Variants in SULT1A1 observed in about 807,000 individuals in gnomAD.
The protein encoded by SULT1A1 is sulfotransferase 1A1.
In SULT1A1, 35 loss-of-function variants were observed where a neutral mutation model predicts 36.8. The observed-to-expected ratio is 0.95, with a 90% CI of 0.73 to 1.26. The LOEUF is 1.26. SULT1A1 is among the 50% of genes most tolerant of loss of function. The pLI is 0.00. For synonymous variants in SULT1A1, 119 were observed against 146.0 expected (o/e 0.82, Z 1.33); for missense variants, 309 against 383.0 (o/e 0.81, Z 1.61).
At chr16:28,607,696 T>C (rs1479131837) in intron 4 of SULT1A1, 1 of 151,204 alleles carries the variant, frequency 6.6e-6, no homozygotes, top group East Asian at 1.9e-4. Flanking sequence ...TCTTTCTTTT[T>C]TTCTGTCGCC....
chr16:28,620,011 G>GTGTA (rs866304604), intron 2 of SULT1A1: 4 of 1,394,714 alleles, frequency 2.9e-6, no homozygotes, highest in East Asian at 2.3e-5. Context: ...GTGTGTGTGT[G>GTGTA]TATATACACA....
chr16:28,615,235 T>C (rs1272385838), intron 2 of SULT1A1, among the ~76,000 whole-genome samples: 5 of 112,980 alleles, frequency 4.4e-5, no homozygotes, highest in African/African-American at 1.5e-4. Flanking sequence ...CGGGGCCGGC[T>C]GTGCAGGGAG....
chr16:28,619,301 C>T lies in SULT1A1; in HGVS notation c.138+762G>A, dbSNP rs551215979. Among the ~76,000 whole-genome samples, 62 of 152,290 alleles carry T rather than the reference C, an allele frequency of 4.1e-4. No homozygotes were observed. In the South Asian group the frequency reaches 0.011, roughly 27 times the overall value. ...TGTTGGGATTAGAGGCGTGAGCCAC[C>T]GTGCCCGGCCCAGAGAAAGTATTTC... On this transcript the variant is annotated intron_variant, in intron 2 of 5. Coordinates refer to the SULT1A1 transcript ENST00000350842.
chr16:28,621,579 T>C (rs1325440299), intron 1 of SULT1A1, among the ~76,000 whole-genome samples: 2 of 151,844 alleles, frequency 1.3e-5, no homozygotes, highest in African/African-American at 2.4e-5. Context: ...AATAGCATTC[T>C]GGTCCCCTAC....
intron 2 of SULT1A1, among the ~76,000 whole-genome samples, chr16:28,616,759 A>AC (rs1257675447): frequency 6.6e-6 from 1 of 151,894 alleles, no homozygotes; most frequent in African/African-American, 2.4e-5. Flanking sequence ...GGCTACAATA[A>AC]CCCCCCACTC....
chr16:28,623,193 A>G (rs777894404), exon 1 of SULT1A1: 4 of 1,508,944 alleles, frequency 2.7e-6, no homozygotes, highest in Admixed American at 4.0e-5. Context: ...CAACTTGGCC[A>G]GCATGGCGCG....
upstream of SULT1A1, chr16:28,610,262 CTGTT>C: frequency 1.7e-5 from 4 of 239,678 alleles, no homozygotes; most frequent in African/African-American, 1.3e-4. Flanking sequence ...TTTTTTTTTT[CTGTT>C]TTTTTTTTTT....
intron 1 of SULT1A1, among the ~76,000 whole-genome samples, chr16:28,620,563 C>CAAAAAAAAAAAA (rs5816469): frequency 1.1e-5 from 1 of 90,840 alleles, no homozygotes; most frequent in Non-Finnish European, 2.2e-5. Flanking sequence ...GACCCTGTCT[C>CAAAAAAAAAAAA]AAAAAAAAAA....
chr16:28,623,063 C>T, intron 1 of SULT1A1: 1 of 1,524,470 alleles, frequency 6.6e-7, no homozygotes, highest in Non-Finnish European at 8.9e-7. Context: ...GCCGCTTGAT[C>T]CCCAAGTCCC....
At position 28,605,717 on chromosome 16, in the gene SULT1A1, A is replaced by G; in HGVS notation, c.*104T>C. On this transcript the variant is annotated 3_prime_UTR_variant, in exon 8 of 8. Transcript: ENST00000314752. ...TCAGCCTCCAAATTGCTGGGATTAC[A>G]GACATGACCTACCGTCCCGGGCCCT... The G allele has an allele frequency of 6.4e-7, 1 of 1,559,148 alleles. No homozygotes were observed. Among genetic ancestry groups the G allele is most frequent in the African/African-American group, 1.4e-5 (1 of 74,072 alleles).
rs8057055 is a variant in SULT1A1, at chr16:28,609,431, C to A, written c.-5+500G>T. On this transcript the variant is annotated intron_variant, in intron 1 of 7. Transcript: ENST00000314752. ...GAGGAACTGAGCTGCTACTAGGGGC[C>A]AGAGCTGCTGTGGGAATGAACAAAA... 544 of 1,268,344 alleles carry A rather than the reference C, an allele frequency of 4.3e-4. 2 individuals are homozygous for A. The African/African-American group carries it at 7.3e-3, about 17-fold the overall frequency. 78.6% of individuals were successfully genotyped at this position (1,268,344 alleles called of 1,614,324 possible). A position where few individuals can be genotyped will look rare whatever the true frequency, so the allele number is the denominator to read the frequency against.
At chr16:28,614,892 T>C (rs1456900633), upstream of SULT1A1, 1 of 120,434 alleles carries the variant, frequency 8.3e-6, no homozygotes, top group African/African-American at 2.8e-5. Context: ...CTTTGAATTT[T>C]AGGAAATTCT....
chr16:28,616,120 G>A (rs567504024), intron 2 of SULT1A1, among the ~76,000 whole-genome samples: 5 of 152,236 alleles, frequency 3.3e-5, no homozygotes, highest in African/African-American at 4.8e-5. Flanking sequence ...CAGAAGGCTC[G>A]CACTCCTGTC....
chr16:28,606,608 CTT>C (rs1491360548), intron 6 of SULT1A1, among the ~76,000 whole-genome samples, 151 bp downstream of exon 6: 1 of 132,234 alleles, frequency 7.6e-6, no homozygotes, highest in African/African-American at 2.6e-5. Context: ...CAGGTGGGGC[CTT>C]AGTGGGGAGG....
chr16:28,623,118 C>T (rs532325432), intron 1 of SULT1A1: 5 of 1,545,630 alleles, frequency 3.2e-6, no homozygotes, highest in South Asian at 2.4e-5. Context: ...AGGTTCCCCC[C>T]CCGGCCCCTC....
At chr16:28,607,194 T>A in intron 4 of SULT1A1, 117 bp from the exon 5 acceptor site, 1 of 1,539,368 alleles carries the variant, frequency 6.5e-7, no homozygotes, top group Non-Finnish European at 8.8e-7. Context: ...TTGTTTGAGA[T>A]CTCACGGCAC....
At chr16:28,618,593 C>A (rs867523029) in intron 2 of SULT1A1, among the ~76,000 whole-genome samples, 4 of 152,158 alleles carry the variant, frequency 2.6e-5, no homozygotes, top group Middle Eastern at 3.4e-3. Context: ...ATCCACCCGC[C>A]TCCACCTCCC....
At chr16:28,608,008 G>A (rs746484995) in intron 4 of SULT1A1, 14 of 264,148 alleles carry the variant, frequency 5.3e-5, no homozygotes, top group Non-Finnish European at 9.9e-5. Flanking sequence ...ATTTATTTTT[G>A]TGAGTTTTGC....
At chr16:28,610,268 T>TG, upstream of SULT1A1, 1 of 928,140 alleles carries the variant, frequency 1.1e-6, no homozygotes, top group Non-Finnish European at 1.3e-6. Flanking sequence ...TTTTCTGTTT[T>TG]TTTTTTTTTT....
Sources: gnomAD v4.1 joint callset for allele counts (sites outside exome capture counted in the v4.1 genomes callset) on GRCh38, gnomAD v4.1.1 for gene constraint, MANE v1.5 for transcripts, NCBI Gene and HGNC (gene_info 2026-07-23, HGNC 2026-07-21) for gene names.